The following PACRG variants were observed in gnomAD, a reference collection of about 807,000 sequenced individuals.
PACRG encodes the protein parkin coregulated gene protein.
PACRG carries 29 observed loss-of-function variants against 29.7 expected under a neutral mutation model. The observed-to-expected ratio is 0.98, with a 90% CI of 0.73 to 1.33. PACRG has a LOEUF of 1.33. Ranked by LOEUF, PACRG falls within the 40% of genes most tolerant of loss-of-function variation. The probability of loss-of-function intolerance (pLI) is 0.00; values close to 1 mark genes in which losing one functional copy is unlikely to be tolerated. For missense variants in PACRG, 279 were observed against 316.2 expected (o/e 0.88, Z 0.89); for synonymous variants, 116 against 118.7 (o/e 0.98, Z 0.15).
chr6:162,830,938 CAT>C (rs934910757), intron 2 of PACRG, among the ~76,000 whole-genome samples: 5 of 152,200 alleles, frequency 3.3e-5, no homozygotes, highest in Non-Finnish European at 5.9e-5. Flanking sequence ...ATTCAAGAAA[CAT>C]GCGTTGAGCA....
At chr6:163,246,119 C>T (rs13214525) in intron 4 of PACRG, among the ~76,000 whole-genome samples, 26,306 of 152,200 alleles carry the variant, frequency 0.17, 3,025 homozygotes, top group Non-Finnish European at 0.25. Context: ...TTGTCACTCC[C>T]TTGCTTAACA....
chr6:163,112,448 AG>A (rs1815766418), intron 4 of PACRG, among the ~76,000 whole-genome samples: 1 of 152,168 alleles, frequency 6.6e-6, no homozygotes, highest in African/African-American at 2.4e-5. Context: ...GCAAACACAG[AG>A]GGGGCAACTA....
intron 4 of PACRG, among the ~76,000 whole-genome samples, chr6:163,223,852 G>C (rs2128160132): frequency 6.6e-6 from 1 of 152,310 alleles, no homozygotes; most frequent in Middle Eastern, 3.4e-3. Context: ...TTTCTAAACA[G>C]TGGATGAAAA....
intron 2 of PACRG, among the ~76,000 whole-genome samples, chr6:163,053,507 A>T (rs1015522229): frequency 1.3e-5 from 2 of 152,232 alleles, no homozygotes; most frequent in Admixed American, 1.3e-4. Context: ...TACAACTATT[A>T]GATATCAATT....
intron 4 of PACRG, among the ~76,000 whole-genome samples, chr6:163,148,604 A>G (rs1777902124): frequency 6.6e-6 from 1 of 152,164 alleles, no homozygotes; most frequent in Admixed American, 6.5e-5. Context: ...CATACCCAGT[A>G]TTCCACTGCA....
intron 4 of PACRG, among the ~76,000 whole-genome samples, chr6:163,160,225 A>G (rs901474013): frequency 6.6e-6 from 1 of 152,204 alleles, no homozygotes; most frequent in Non-Finnish European, 1.5e-5. Flanking sequence ...CAAGAAACTT[A>G]ATAAAGATTC....
intron 2 of PACRG, among the ~76,000 whole-genome samples, chr6:162,981,305 A>ATATATT (rs925663285): frequency 1.7e-4 from 26 of 149,158 alleles, no homozygotes; most frequent in African/African-American, 6.2e-4. Flanking sequence ...ATATATATAT[A>ATATATT]TTTACAATGG....
chr6:163,092,633 A>G (rs1384407110), intron 4 of PACRG, among the ~76,000 whole-genome samples: 1 of 152,162 alleles, frequency 6.6e-6, no homozygotes, highest in Admixed American at 6.5e-5. Context: ...AATCCCTTAA[A>G]GTCTGTAATC....
chr6:162,926,607 G>A (rs1562740985), intron 2 of PACRG, among the ~76,000 whole-genome samples: 1 of 152,148 alleles, frequency 6.6e-6, no homozygotes, highest in Non-Finnish European at 1.5e-5. Context: ...ACCATATGCG[G>A]AAAACTGAAA....
rs144404812 is a variant in PACRG, at chr6:163,284,922, A to C, written c.614-29905A>C. Among the ~76,000 whole-genome samples the C allele has an allele frequency of 1.1e-4, 16 of 152,340 alleles. No homozygotes were observed. In the East Asian group the frequency reaches 3.1e-3, roughly 29 times the overall value. The stretch of plus-strand genomic sequence containing the variant: ...TAGCTGTTTTTTAATTTTCCAAAAT[A>C]GGTCTTCATTTCTCTACCACCCTAA... On this transcript the variant is annotated intron_variant, in intron 4 of 4. Coordinates refer to ENST00000366888, the MANE Select transcript of PACRG (RefSeq NM_001080379.2).
intron 2 of PACRG, among the ~76,000 whole-genome samples, chr6:163,010,581 A>G (rs759079416): frequency 1.1e-4 from 17 of 152,128 alleles, no homozygotes; most frequent in Non-Finnish European, 2.2e-4. Context: ...TTATTTCATC[A>G]TGTAGCCAGA....
At chr6:162,900,416 A>G (rs1379366204) in intron 2 of PACRG, among the ~76,000 whole-genome samples, 1 of 151,888 alleles carries the variant, frequency 6.6e-6, no homozygotes, top group Non-Finnish European at 1.5e-5. Flanking sequence ...GCAAGACTCA[A>G]CTCCCGTCTT....
chr6:163,021,379 A>G (rs1437861962), intron 2 of PACRG, among the ~76,000 whole-genome samples: 1 of 152,126 alleles, frequency 6.6e-6, no homozygotes, highest in Non-Finnish European at 1.5e-5. Flanking sequence ...CCTCACTCTC[A>G]TGTTTAAATC....
intron 4 of PACRG, among the ~76,000 whole-genome samples, chr6:163,093,237 C>CT (rs1255072560): frequency 6.6e-6 from 1 of 152,216 alleles, no homozygotes; most frequent in Non-Finnish European, 1.5e-5. Flanking sequence ...AAAAACCAAA[C>CT]TGCTGTCTAA....
At position 162,776,287 on chromosome 6, in the gene PACRG, T is replaced by C. The variant is rs546958108; in HGVS notation, c.157-37860T>C. Among the ~76,000 whole-genome samples the C allele has an allele frequency of 3.3e-5, 5 of 152,350 alleles. No homozygotes were observed. The East Asian group carries it at 9.6e-4, about 29-fold the overall frequency. On this transcript the variant is annotated intron_variant, in intron 1 of 4. Coordinates refer to ENST00000366888, the MANE Select transcript of PACRG (RefSeq NM_001080379.2). The stretch of plus-strand genomic sequence containing the variant: ...GCTTTTTACTATTGACAGTTAAGTT[T>C]CTTTCAGCTTCACAACTTATTATTG...
At chr6:163,261,979 G>A (rs562709203) in intron 4 of PACRG, among the ~76,000 whole-genome samples, 11 of 152,058 alleles carry the variant, frequency 7.2e-5, no homozygotes, top group African/African-American at 2.2e-4. Flanking sequence ...AACCTTTTTT[G>A]CATTTATCAG....
chr6:162,958,607 A>G (rs1335665267), intron 2 of PACRG, among the ~76,000 whole-genome samples: 1 of 151,924 alleles, frequency 6.6e-6, no homozygotes, highest in Non-Finnish European at 1.5e-5. Context: ...TTTATCAAGT[A>G]TTTATAATAT....
chr6:163,230,792 A>ATGCCG (rs1782011148), intron 4 of PACRG, among the ~76,000 whole-genome samples: 1 of 64,150 alleles, frequency 1.6e-5, no homozygotes, highest in East Asian at 5.3e-4. Flanking sequence ...AGGGAGGGAA[A>ATGCCG]AACCCGGAAG....
At chr6:163,059,098 T>TA (rs1013910901) in intron 2 of PACRG, among the ~76,000 whole-genome samples, 13 of 150,274 alleles carry the variant, frequency 8.7e-5, no homozygotes, top group East Asian at 2.0e-4. Flanking sequence ...AAAAAAAAGT[T>TA]AAAAAAAAAG....
Sources: gnomAD v4.1 joint callset for allele counts (sites outside exome capture counted in the v4.1 genomes callset) on GRCh38, gnomAD v4.1.1 for gene constraint, MANE v1.5 for transcripts, NCBI Gene and HGNC (gene_info 2026-07-23, HGNC 2026-07-21) for gene names.